TMEM135: variants seen among roughly 807,000 people sequenced by gnomAD.
The protein encoded by TMEM135 is peroxisomal membrane protein 52.
TMEM135 carries 30 observed loss-of-function variants against 60.3 expected under a neutral mutation model. The ratio of observed to expected loss-of-function variants is 0.50; its 90% CI spans 0.37 to 0.68. TMEM135 has a LOEUF of 0.68. Ranked by LOEUF, TMEM135 falls within the 30% of genes least tolerant of loss-of-function variation. The pLI, the probability that TMEM135 is intolerant of heterozygous loss-of-function variation, is 0.00. For synonymous variants in TMEM135, 190 were observed against 186.7 expected, an observed-to-expected ratio of 1.02 and a Z score of -0.14; for missense variants, 468 against 548.8, an observed-to-expected ratio of 0.85 and a Z score of 1.47.
chr11:87,113,232 T>A (rs976026109), intron 4 of TMEM135, among the ~76,000 whole-genome samples: 3 of 151,894 alleles, frequency 2.0e-5, no homozygotes, highest in African/African-American at 7.3e-5. Context: ...GCTGCAGGAG[T>A]CAGGCAAGAA....
chr11:87,087,569 T>G (rs890639798), intron 3 of TMEM135, among the ~76,000 whole-genome samples: 5 of 152,220 alleles, frequency 3.3e-5, no homozygotes, highest in Admixed American at 6.5e-5. Flanking sequence ...TTCTCTCCAG[T>G]CCTCATTTTG....
intron 7 of TMEM135, among the ~76,000 whole-genome samples, chr11:87,300,960 C>T (rs36016833): frequency 0.036 from 5,480 of 152,260 alleles, 93 homozygotes; most frequent in Admixed American, 0.046. Context: ...AGAAACTGTT[C>T]TATCTGTTCT....
At chr11:87,312,009 C>G (rs937235520) in intron 10 of TMEM135, among the ~76,000 whole-genome samples, 11 of 151,464 alleles carry the variant, frequency 7.3e-5, no homozygotes, top group Non-Finnish European at 1.5e-5. Context: ...GAGAGTTGGC[C>G]CTTTCTTTCT....
Position 87,072,665 on chromosome 11 carries a change from G to A in TMEM135, c.362+1050G>A, listed in dbSNP as rs551114873. Among the ~76,000 whole-genome samples, 36 of 152,200 alleles carry A rather than the reference G, an allele frequency of 2.4e-4. No homozygotes were observed. The South Asian group carries it at 4.1e-3, about 18-fold the overall frequency. ...CAAAGTGCTAGTATTACAGGTGTGA[G>A]CCACTGTGCCTGGCCCAATTATTTT... On this transcript the variant is annotated intron_variant, in intron 3 of 14. Transcript: ENST00000305494.
intron 3 of TMEM135, among the ~76,000 whole-genome samples, chr11:87,074,335 G>A (rs1427283989): frequency 6.6e-6 from 1 of 152,176 alleles, no homozygotes; most frequent in East Asian, 1.9e-4. Flanking sequence ...CTGACACATA[G>A]TAAGAGTTAT....
intron 5 of TMEM135, among the ~76,000 whole-genome samples, chr11:87,173,006 C>T (rs1422404126): frequency 6.6e-6 from 1 of 151,758 alleles, no homozygotes; most frequent in Non-Finnish European, 1.5e-5. Context: ...TTTAAAGAAA[C>T]CAAGCATTTT....
chr11:87,055,593 C>CT lies in TMEM135; in HGVS notation c.142-12087dup, dbSNP rs879320737. ...TTGTGAAGTCTGAGAAGTTAAGCAT[C>CT]TTTTTTTTTTTTTTGAGATGGAGTT... On this transcript the variant is annotated intron_variant, in intron 1 of 14. Transcript: ENST00000305494. Among the ~76,000 whole-genome samples, 674 of 144,282 alleles carry CT rather than the reference C, an allele frequency of 4.7e-3. 4 individuals carry two copies. Among genetic ancestry groups the CT allele is most frequent in the African/African-American group, 0.012 (467 of 39,632 alleles). The allele number at this position is 144,282 out of a possible 152,430, so 94.7% of individuals were successfully genotyped here.
At chr11:87,100,043 C>T (rs1020352970) in intron 4 of TMEM135, among the ~76,000 whole-genome samples, 10 of 152,094 alleles carry the variant, frequency 6.6e-5, no homozygotes, top group Admixed American at 2.0e-4. Context: ...GGGTTCCCAA[C>T]GTAGAAGAAA....
At chr11:87,189,758 G>GAAAAAAAAAAAAAAAAAAAA (rs796303818) in intron 5 of TMEM135, among the ~76,000 whole-genome samples, 2 of 115,560 alleles carry the variant, frequency 1.7e-5, no homozygotes, top group African/African-American at 3.2e-5. Flanking sequence ...CGTCTCCACA[G>GAAAAAAAAAAAAAAAAAAAA]AAAAAAAAAA....
intron 5 of TMEM135, among the ~76,000 whole-genome samples, chr11:87,163,003 C>A (rs1938929949): frequency 6.7e-6 from 1 of 148,602 alleles, no homozygotes. Context: ...GTTTGCTGGC[C>A]TTATAAATGT....
intron 5 of TMEM135, among the ~76,000 whole-genome samples, chr11:87,168,084 A>C (rs1010711476): frequency 6.6e-6 from 1 of 152,132 alleles, no homozygotes; most frequent in Non-Finnish European, 1.5e-5. Flanking sequence ...TAGATTTTCT[A>C]GTTTATTTGC....
At position 87,136,992 on chromosome 11, in the gene TMEM135, A is replaced by C. The variant is rs565886670; in HGVS notation, c.397-20349A>C. Among the ~76,000 whole-genome samples the C allele has an allele frequency of 9.2e-5, 14 of 152,136 alleles. No homozygotes were observed. The South Asian group carries it at 2.9e-3, about 32-fold the overall frequency. On this transcript the variant is annotated intron_variant, in intron 4 of 14. Transcript: ENST00000305494. Reference sequence around the variant, plus strand: ...ATGCTCTATAAACATCAATTAGATCAAGTTGATTAATAGTATTTTTTACCA... The same window carrying C: ...ATGCTCTATAAACATCAATTAGATCCAGTTGATTAATAGTATTTTTTACCA...
chr11:87,133,040 T>TA (rs1937982336), intron 4 of TMEM135, among the ~76,000 whole-genome samples: 1 of 152,192 alleles, frequency 6.6e-6, no homozygotes, highest in Non-Finnish European at 1.5e-5. Flanking sequence ...GGCTAAGTGC[T>TA]AACTGGTACA....
At position 87,055,553 on chromosome 11, in the gene TMEM135, T is replaced by A. The variant is rs183679916; in HGVS notation, c.142-12141T>A. On this transcript the variant is annotated intron_variant, in intron 1 of 14. Transcript: ENST00000305494. ...TCCTCCATTTAAAGGTAAGTTGGGA[T>A]TTTTTTCGACAAAATTGTGAAGTCT... 2.5e-3 allele frequency among the ~76,000 whole-genome samples: 386 copies of A among 152,306 alleles called. 2 individuals are homozygous for A. Among genetic ancestry groups the A allele is most frequent in the African/African-American group, 8.9e-3 (368 of 41,576 alleles).
intron 3 of TMEM135, among the ~76,000 whole-genome samples, chr11:87,072,156 C>A (rs1856784320): frequency 6.6e-6 from 1 of 152,134 alleles, no homozygotes; most frequent in South Asian, 2.1e-4. Context: ...ATCATGCCAC[C>A]ACACTTCAGT....
chr11:87,113,592 A>G (rs1028024068), intron 4 of TMEM135, among the ~76,000 whole-genome samples: 2 of 152,116 alleles, frequency 1.3e-5, no homozygotes, highest in Non-Finnish European at 1.5e-5. Flanking sequence ...ACAAAAAGAG[A>G]AAGCATGGAA....
intron 6 of TMEM135, among the ~76,000 whole-genome samples, chr11:87,242,940 T>G (rs916568908): frequency 2.1e-5 from 3 of 145,196 alleles, no homozygotes; most frequent in Non-Finnish European, 4.5e-5. Context: ...GCCTATGTCC[T>G]GAATGGTAAT....
At chr11:87,039,381 A>G (rs1949731827) in intron 1 of TMEM135, among the ~76,000 whole-genome samples, 1 of 152,174 alleles carries the variant, frequency 6.6e-6, no homozygotes, top group Admixed American at 6.5e-5. Flanking sequence ...GTGGGGCCTG[A>G]ACCTCTGCTT....
intron 6 of TMEM135, among the ~76,000 whole-genome samples, chr11:87,280,691 C>A (rs7945575): frequency 0.37 from 55,690 of 151,962 alleles, 10,861 homozygotes; most frequent in Non-Finnish European, 0.43. Flanking sequence ...TTGATTGTAC[C>A]TATACCTTCT....
Sources: allele counts gnomAD v4.1 joint callset (sites outside exome capture counted in the v4.1 genomes callset), GRCh38; gene constraint gnomAD v4.1.1; transcripts MANE v1.5; gene names NCBI Gene and HGNC (gene_info 2026-07-23, HGNC 2026-07-21).